Variants in OTOGL observed in about 807,000 individuals in gnomAD.
OTOGL encodes otogelin-like protein.
A neutral mutation model predicts 318.5 loss-of-function variants in OTOGL; 285 were observed. The observed-to-expected ratio is 0.89, with a 90% CI of 0.81 to 0.99. The LOEUF (loss-of-function observed/expected upper bound fraction) is 0.99, where lower values mean the gene tolerates loss of function less well. Ranked by LOEUF, OTOGL falls within the 50% of genes least tolerant of loss-of-function variation. The probability of loss-of-function intolerance (pLI) is 0.00; values close to 1 mark genes in which losing one functional copy is unlikely to be tolerated. For synonymous variants in OTOGL, 987 were observed against 936.5 expected, an observed-to-expected ratio of 1.05 and a Z score of -0.99; for missense variants, 2,899 against 2,845.6, an observed-to-expected ratio of 1.02 and a Z score of -0.43.
At position 80,332,890 on chromosome 12, in the gene OTOGL, A is replaced by G. The variant is rs533964698; in HGVS notation, c.4349-115A>G. 6.3e-4 allele frequency: 493 copies of G among 778,774 alleles called. 8 individuals are homozygous for G. The South Asian group carries it at 8.8e-3, about 14-fold the overall frequency. The allele number at this position is 778,774 out of a possible 1,614,324, so 48.2% of individuals were successfully genotyped here. On this transcript the variant is annotated intron_variant, in intron 37 of 58. Transcript: ENST00000547103. ...ATTACCAACATCACAGGATTCTAGG[A>G]AGGAATATGTGAAATAATCTATACA... is the stretch of plus-strand genomic sequence containing the variant.
chr12:80,147,545 G>C (rs1369594851), intron 1 of OTOGL, among the ~76,000 whole-genome samples: 2 of 151,790 alleles, frequency 1.3e-5, no homozygotes, highest in Non-Finnish European at 2.9e-5. Flanking sequence ...ATTTGGGGTG[G>C]AGAGTTCTGT....
At chr12:80,314,264 A>G in intron 31 of OTOGL, 41 bp from the exon 32 acceptor site, 1 of 752,646 alleles carries the variant, frequency 1.3e-6, no homozygotes, top group Non-Finnish European at 1.8e-6. Flanking sequence ...TAAGTGATTG[A>G]CTTCTTACAT....
In OTOGL at chr12:80,339,307, T is replaced by TTG. The variant is rs771076644; in HGVS notation, c.5050+44_5050+45insGT. ...AATCTTGATTTCGTCTGTTTTTTTTTTTTTTTTTTTTTTTTTCTATTCACG... is the reference window on the plus strand; with the variant it reads ...AATCTTGATTTCGTCTGTTTTTTTTTTGTTTTTTTTTTTTTTTTCTATTCACG... On this transcript the variant is annotated intron_variant, in intron 43 of 58. Coordinates refer to ENST00000547103, the MANE Select transcript of OTOGL (RefSeq NM_001378609.3). 2.1e-5 allele frequency: 30 copies of TTG among 1,404,970 alleles called. No individual in the cohort carries two copies. In the East Asian group the frequency reaches 3.8e-4, roughly 18 times the overall value. The allele number at this position is 1,404,970 out of a possible 1,614,324, so 87.0% of individuals were successfully genotyped here.
intron 4 of OTOGL, among the ~76,000 whole-genome samples, chr12:80,217,117 C>G (rs1280414511): frequency 6.6e-6 from 1 of 152,084 alleles, no homozygotes; most frequent in African/African-American, 2.4e-5. Context: ...ACATCACCAT[C>G]TGTTGGTCTG....
chr12:80,111,864 T>A (rs940943553), intron 1 of OTOGL, among the ~76,000 whole-genome samples: 1 of 152,228 alleles, frequency 6.6e-6, no homozygotes, highest in Non-Finnish European at 1.5e-5. Context: ...CTATATTGAT[T>A]CTTTCTATCC....
At chr12:80,308,028 C>T (rs576156147) in intron 29 of OTOGL, among the ~76,000 whole-genome samples, 20 of 139,970 alleles carry the variant, frequency 1.4e-4, no homozygotes, top group Admixed American at 1.1e-3. Flanking sequence ...CCGGACGGGG[C>T]GGCTGGCCGC....
chr12:80,296,661 A>G (rs1343057305), intron 26 of OTOGL, among the ~76,000 whole-genome samples, 166 bp from the exon 27 acceptor site: 2 of 151,756 alleles, frequency 1.3e-5, no homozygotes, highest in Non-Finnish European at 2.9e-5. Context: ...ATATTTCTAT[A>G]GACTTCTTCA....
chr12:80,136,929 T>C (rs1320330001), intron 1 of OTOGL, among the ~76,000 whole-genome samples: 1 of 152,208 alleles, frequency 6.6e-6, no homozygotes, highest in Non-Finnish European at 1.5e-5. Flanking sequence ...TTATCTATTT[T>C]GTTTGCTATG....
Position 80,320,659 on chromosome 12 carries a change from A to G in OTOGL, c.4040A>G (p.Asp1347Gly). The change falls in exon 34 of 59, where the codon GAT becomes GGT. Residue 1347 changes from aspartate to glycine, a missense_variant. Asp to Gly is a moderately conservative substitution (Grantham distance 94, BLOSUM62 -1). Coordinates refer to ENST00000547103, the MANE Select transcript of OTOGL (RefSeq NM_001378609.3). ...AGTGTCAAAGCATCAAAATATGATG[A>G]TTCTGAAGAATTTAAACATTCAAGT... is the stretch of plus-strand genomic sequence containing the variant. ...DSSVKASKYD[D>G]SEEFKHSSSF... The G allele has an allele frequency of 6.2e-7, 1 of 1,607,612 alleles. No homozygotes were observed. Among genetic ancestry groups the G allele is most frequent in the Non-Finnish European group, 8.5e-7 (1 of 1,176,628 alleles).
At chr12:80,338,484 C>G (rs1441488156) in intron 42 of OTOGL, among the ~76,000 whole-genome samples, 2 of 151,952 alleles carry the variant, frequency 1.3e-5, no homozygotes, top group Admixed American at 1.3e-4. Flanking sequence ...ATTTAAAGCA[C>G]CGTTTTTCAA....
In OTOGL at chr12:80,266,631, C is replaced by T; in HGVS notation, c.2390+15C>T. On this transcript the variant is annotated intron_variant, in intron 21 of 58. Coordinates refer to ENST00000547103, the MANE Select transcript of OTOGL (RefSeq NM_001378609.3). ...TGTGTACCCATGTAAGTCGTAGAAA[C>T]AGGTTGGCAGCATCCTGTTTTAATC... 1 of 1,606,946 alleles carries T rather than the reference C, an allele frequency of 6.2e-7. No individual in the cohort carries two copies.
chr12:80,372,801 G>T (rs1890961385), intron 57 of OTOGL, among the ~76,000 whole-genome samples: 1 of 151,750 alleles, frequency 6.6e-6, no homozygotes. Context: ...CAATTCTCAT[G>T]CCTCAGCCTC....
chr12:80,370,963 C>T (rs1890845170), intron 56 of OTOGL: 2 of 185,230 alleles, frequency 1.1e-5, no homozygotes, highest in Middle Eastern at 2.2e-3. Flanking sequence ...GGTCAGCAGA[C>T]TTGGCCTTCC....
At chr12:80,347,294 C>A (rs1357613505) in intron 44 of OTOGL, among the ~76,000 whole-genome samples, 1 of 152,092 alleles carries the variant, frequency 6.6e-6, no homozygotes, top group Non-Finnish European at 1.5e-5. Flanking sequence ...CTCTCCCTCC[C>A]CTAGTCCCCC....
intron 39 of OTOGL, 123 bp downstream of exon 39, chr12:80,336,263 A>T (rs1888394148): frequency 1.5e-6 from 2 of 1,344,946 alleles, no homozygotes; most frequent in Non-Finnish European, 1.9e-6. Context: ...TCATGATTTG[A>T]TTTATGATTT....
chr12:80,324,623 TGGA>T (rs1030850816), intron 35 of OTOGL, among the ~76,000 whole-genome samples: 5 of 152,130 alleles, frequency 3.3e-5, no homozygotes, highest in African/African-American at 1.2e-4. Flanking sequence ...AATGGGCTGT[TGGA>T]GGAGAGGAGG....
intron 7 of OTOGL, among the ~76,000 whole-genome samples, chr12:80,225,300 G>A (rs1238714667): frequency 6.7e-6 from 1 of 150,158 alleles, no homozygotes; most frequent in East Asian, 2.0e-4. Context: ...AAATGTTCTT[G>A]TTCAGTGTCC....
At chr12:80,158,954 A>G (rs1873312538) in intron 1 of OTOGL, among the ~76,000 whole-genome samples, 1 of 152,040 alleles carries the variant, frequency 6.6e-6, no homozygotes, top group Admixed American at 6.6e-5. Flanking sequence ...GTTCAGTATT[A>G]TGTTAGCTGT....
intron 30 of OTOGL, 51 bp downstream of exon 30, chr12:80,310,778 C>A: frequency 7.1e-7 from 1 of 1,408,576 alleles, no homozygotes; most frequent in Non-Finnish European, 9.9e-7. Flanking sequence ...TCTACTGTGT[C>A]TATAATACTG....
Sources: allele counts gnomAD v4.1 joint callset (sites outside exome capture counted in the v4.1 genomes callset), GRCh38; gene constraint gnomAD v4.1.1; transcripts MANE v1.5; gene names NCBI Gene and HGNC (gene_info 2026-07-23, HGNC 2026-07-21).